Variants in FHDC1 observed in about 807,000 individuals in gnomAD.
The protein encoded by FHDC1 is FH2 domain containing 1.
In FHDC1, 25 loss-of-function variants were observed where a neutral mutation model predicts 52.6. The observed-to-expected ratio is 0.48, with a 90% CI of 0.35 to 0.66. The LOEUF is 0.66. Among genes scored for constraint, FHDC1 ranks in the 30% least tolerant of loss-of-function variants. FHDC1 has a pLI of 0.01. For synonymous variants in FHDC1, 616 were observed against 581.5 expected (o/e 1.06, Z -0.85); for missense variants, 1,459 against 1,452.8 (o/e 1.00, Z -0.07).
the FHDC1 span, among the ~76,000 whole-genome samples, chr4:152,930,423 C>G: frequency 6.6e-6 from 1 of 152,094 alleles, no homozygotes. Context: ...AATACCAACC[C>G]TTCTGAGTTA....
chr4:152,931,925 A>C (rs1739258717), upstream of FHDC1, among the ~76,000 whole-genome samples: 1 of 131,378 alleles, frequency 7.6e-6, no homozygotes, highest in African/African-American at 3.0e-5. Flanking sequence ...TGATGGAGCG[A>C]GAACCTGTCT....
chr4:152,937,949 T>C (rs928685539), intron 1 of FHDC1, among the ~76,000 whole-genome samples: 2 of 152,004 alleles, frequency 1.3e-5, no homozygotes, highest in African/African-American at 4.8e-5. Context: ...CGGACAGCTG[T>C]CTAACGCAGA....
At chr4:152,964,715 T>C (rs577465392) in intron 8 of FHDC1, among the ~76,000 whole-genome samples, 190 bp from the exon 9 acceptor site, 1 of 152,322 alleles carries the variant, frequency 6.6e-6, no homozygotes, top group South Asian at 2.1e-4. Flanking sequence ...GAAAGGTAAA[T>C]GTATCTTGAG....
intron 4 of FHDC1, among the ~76,000 whole-genome samples, chr4:152,955,104 TA>T (rs537047153): frequency 9.9e-5 from 15 of 151,086 alleles, no homozygotes; most frequent in Admixed American, 2.6e-4. Context: ...ATACTTTTTT[TA>T]AAAAAAAAGA....
intron 2 of FHDC1, among the ~76,000 whole-genome samples, chr4:152,945,428 T>C (rs1380833961): frequency 6.6e-6 from 1 of 152,234 alleles, no homozygotes; most frequent in African/African-American, 2.4e-5. Context: ...TGAAATAACA[T>C]ATAAAATTTA....
chr4:152,914,685 G>A, the FHDC1 span, among the ~76,000 whole-genome samples: 2 of 152,152 alleles, frequency 1.3e-5, no homozygotes, highest in African/African-American at 4.8e-5. Context: ...CCATTTTGTC[G>A]ATTTTAAAAG....
chr4:152,921,467 T>C, the FHDC1 span, among the ~76,000 whole-genome samples: 1 of 152,172 alleles, frequency 6.6e-6, no homozygotes, highest in Non-Finnish European at 1.5e-5. Flanking sequence ...TTTAATGTTA[T>C]TTCCCAGTTA....
the FHDC1 span, among the ~76,000 whole-genome samples, chr4:152,925,220 T>C: frequency 6.6e-6 from 1 of 152,134 alleles, no homozygotes. Context: ...GCAACTCTTT[T>C]TTTCTTTAAG....
chr4:152,974,973 G>C lies in FHDC1; in HGVS notation c.1682G>C (p.Ser561Thr). 1.2e-6 allele frequency: 2 copies of C among 1,612,498 alleles called. No homozygotes were observed. The highest frequency in any genetic ancestry group is 2.2e-5 in the South Asian group (2 of 91,078). Residue 561 changes from serine to threonine, a missense_variant, in exon 12 of 12, where the codon AGC becomes ACC. Transcript: ENST00000511601. ...LLTFLESSTG[S>T]PEEPNKFHSL... ...ACCTTCTTGGAGAGCTCCACCGGCA[G>C]CCCTGAGGAGCCCAATAAGTTCCAC...
intron 4 of FHDC1, among the ~76,000 whole-genome samples, chr4:152,958,786 G>A (rs1740187709): frequency 1.3e-5 from 2 of 152,098 alleles, no homozygotes. Flanking sequence ...GGACTGATTT[G>A]GGCTTAGCTA....
At chr4:152,963,583 G>A (rs935452359) in intron 8 of FHDC1, among the ~76,000 whole-genome samples, 7 of 132,978 alleles carry the variant, frequency 5.3e-5, no homozygotes, top group Non-Finnish European at 1.0e-4. Context: ...TGAGCGTTGA[G>A]GGGGAGGGTA....
At chr4:152,923,619 C>T in the FHDC1 span, among the ~76,000 whole-genome samples, 4 of 151,588 alleles carry the variant, frequency 2.6e-5, no homozygotes, top group Non-Finnish European at 2.9e-5. Context: ...TACTATAAGG[C>T]TACAGTAACC....
chr4:152,937,570 G>C (rs939907756), intron 1 of FHDC1, among the ~76,000 whole-genome samples: 4 of 151,800 alleles, frequency 2.6e-5, no homozygotes, highest in African/African-American at 9.7e-5. Context: ...GCCGCCGGAC[G>C]GGAGAGCGGT....
Position 152,943,179 on chromosome 4 carries a change from C to T in FHDC1, c.122C>T (p.Pro41Leu). Residue 41 changes from proline (P) to leucine (L), a missense_variant, in exon 2 of 12, where the codon CCC becomes CTC. Coordinates refer to ENST00000511601, the MANE Select transcript of FHDC1 (RefSeq NM_001371116.1). ...PPAPPPPPPPPPPSPPCSCSR... is the reference protein window; with the variant it reads ...PPAPPPPPPPLPPSPPCSCSR... ...GCACCTCCTCCACCTCCTCCTCCAC[C>T]CCCTCCATCTCCACCATGTTCATGT... The T allele has an allele frequency of 6.2e-7, 1 of 1,613,656 alleles. No homozygotes were observed.
intron 11 of FHDC1, among the ~76,000 whole-genome samples, chr4:152,973,953 C>T (rs1311286782): frequency 6.6e-6 from 1 of 152,196 alleles, no homozygotes; most frequent in Non-Finnish European, 1.5e-5. Flanking sequence ...TCTTCCTCTT[C>T]TCTGATTGTG....
chr4:152,970,790 G>C (rs1365738698), intron 10 of FHDC1, among the ~76,000 whole-genome samples: 1 of 152,112 alleles, frequency 6.6e-6, no homozygotes, highest in Non-Finnish European at 1.5e-5. Flanking sequence ...AGTGTGTTTG[G>C]TTTAAGAGAA....
chr4:152,939,497 G>A (rs7681734), intron 1 of FHDC1, among the ~76,000 whole-genome samples: 7,377 of 152,264 alleles, frequency 0.048, 229 homozygotes, highest in South Asian at 0.11. Flanking sequence ...TGTTTAGGCA[G>A]GAGAGCTTAG....
At chr4:152,969,294 C>T (rs1312394570) in intron 10 of FHDC1, among the ~76,000 whole-genome samples, 3 of 152,266 alleles carry the variant, frequency 2.0e-5, no homozygotes, top group East Asian at 3.9e-4. Context: ...TTATGGCCTT[C>T]GGCGGATGCT....
Position 152,976,159 on chromosome 4 carries a change from G to C in FHDC1, c.2868G>C (p.Arg956Ser). 6.2e-7 allele frequency: 1 copy of C among 1,612,054 alleles called. No individual in the cohort carries two copies. The highest frequency in any genetic ancestry group is 1.1e-5 in the South Asian group (1 of 90,994). ...RRASTGAEEQ[R>S]LPRGSSGSSS... ...CCTCCACAGGCGCCGAAGAGCAGAG[G>C]CTGCCGCGGGGGAGCAGCGGCTCCA... Residue 956 changes from arginine to serine, a missense_variant, in exon 12 of 12, where the codon AGG (arginine) becomes AGC (serine). This residue lies in a region of FHDC1 where 939 missense variants were observed against 854.5 expected (regional missense o/e 1.10). Coordinates refer to ENST00000511601, the MANE Select transcript of FHDC1 (RefSeq NM_001371116.1).
Sources: allele counts gnomAD v4.1 joint callset (sites outside exome capture counted in the v4.1 genomes callset), GRCh38; gene constraint gnomAD v4.1.1; regional missense constraint gnomAD v4.1.1; transcripts MANE v1.5; gene names NCBI Gene and HGNC (gene_info 2026-07-23, HGNC 2026-07-21).